MGAT5: variants seen among roughly 807,000 people sequenced by gnomAD.
The protein encoded by MGAT5 is alpha-1,6-mannosylglycoprotein 6-beta-N-acetylglucosaminyltransferase A.
MGAT5 carries 30 observed loss-of-function variants against 94.3 expected under a neutral mutation model. The ratio of observed to expected loss-of-function variants is 0.32; its 90% CI spans 0.24 to 0.43. MGAT5 has a LOEUF of 0.43. Among genes scored for constraint, MGAT5 ranks in the 20% least tolerant of loss-of-function variants. MGAT5 has a pLI of 1.00. For synonymous variants in MGAT5, 310 were observed against 322.9 expected (o/e 0.96, Z 0.43); for missense variants, 691 against 905.5 (o/e 0.76, Z 3.04).
chr2:134,135,086 T>C (rs943128417), intron 1 of MGAT5, among the ~76,000 whole-genome samples: 1 of 152,222 alleles, frequency 6.6e-6, no homozygotes, highest in African/African-American at 2.4e-5. Context: ...CTCCATTATG[T>C]CTTTTAGAGT....
At chr2:134,421,474 A>G (rs1413762220) in intron 12 of MGAT5, among the ~76,000 whole-genome samples, 1 of 152,006 alleles carries the variant, frequency 6.6e-6, no homozygotes, top group East Asian at 1.9e-4. Context: ...AGTTCCAGCT[A>G]CTCAGGAGGC....
Position 134,254,545 on chromosome 2 carries a change from G to T in MGAT5, c.142G>T (p.Glu48Ter). 6.2e-7 allele frequency: 1 copy of T among 1,614,198 alleles called. No homozygotes were observed. The highest frequency in any genetic ancestry group is 1.1e-5 in the South Asian group (1 of 91,080). The change falls in exon 1 of 16, where the codon GAG (glutamate) becomes TAG (stop). Residue 48 changes from glutamate (E) to a stop codon, truncating the protein, a stop_gained. Transcript: ENST00000281923. LOFTEE classifies it high-confidence loss of function. ...GCCTGAAAGCAGCTCCATGCTGCGC[G>T]AGCAGATCCTGGACCTCAGCAAAAG... The part of the protein sequence containing the change: ...TQPESSSMLR[E>*]QILDLSKRYI...
At chr2:134,323,525 A>G (rs1019060790) in intron 4 of MGAT5, among the ~76,000 whole-genome samples, 1 of 152,116 alleles carries the variant, frequency 6.6e-6, no homozygotes, top group Admixed American at 6.6e-5. Flanking sequence ...CAAGTCATAG[A>G]TAGCTCAGAG....
intron 11 of MGAT5, among the ~76,000 whole-genome samples, chr2:134,412,609 A>G (rs1203105758): frequency 6.6e-6 from 1 of 151,834 alleles, no homozygotes; most frequent in Non-Finnish European, 1.5e-5. Flanking sequence ...ACCCCTAGAC[A>G]CTTAATTTTT....
intron 1 of MGAT5, among the ~76,000 whole-genome samples, chr2:134,178,253 A>G (rs1688571631): frequency 6.6e-6 from 1 of 152,222 alleles, no homozygotes; most frequent in South Asian, 2.1e-4. Context: ...TAGACTAGGC[A>G]TTTCTAACAG....
At chr2:134,352,324 A>G (rs1679436782) in intron 9 of MGAT5, among the ~76,000 whole-genome samples, 1 of 152,214 alleles carries the variant, frequency 6.6e-6, no homozygotes, top group African/African-American at 2.4e-5. Flanking sequence ...TAGGGGACTG[A>G]GTGAATAATA....
At chr2:134,374,603 C>A (rs1183842811) in intron 10 of MGAT5, among the ~76,000 whole-genome samples, 2 of 152,186 alleles carry the variant, frequency 1.3e-5, no homozygotes, top group Admixed American at 1.3e-4. Context: ...ATACACAATT[C>A]TTTACTTAAA....
chr2:134,349,660 A>G (rs1364621631), intron 8 of MGAT5, 145 bp from the exon 9 acceptor site: 23 of 867,586 alleles, frequency 2.7e-5, no homozygotes, highest in East Asian at 1.0e-4. Context: ...AAGCTATTGT[A>G]AAACATCACA....
At chr2:134,228,895 C>T (rs1016210286) in intron 1 of MGAT5, among the ~76,000 whole-genome samples, 1 of 152,122 alleles carries the variant, frequency 6.6e-6, no homozygotes, top group African/African-American at 2.4e-5. Context: ...GTCTCAGTCC[C>T]CCACCTGGTT....
At position 134,345,014 on chromosome 2, in the gene MGAT5, A is replaced by G. The variant is rs1414225549; in HGVS notation, c.1062A>G (p.Val354=). ...TTGAGCTCATTTACATTGATATTGT[A>G]GGACTTGCTCAATTCAAGAAAACTC... ...RIVELIYIDI[V]GLAQFKKTLG... Residue 354 remains valine, a synonymous_variant, in exon 8 of 16, where the codon GTA becomes GTG. Transcript: ENST00000281923. The G allele has an allele frequency of 1.2e-6, 2 of 1,613,498 alleles. No homozygotes were observed. The highest frequency in any genetic ancestry group is 2.7e-5 in the African/African-American group (2 of 74,886).
At chr2:134,146,957 G>T (rs1686949220) in intron 1 of MGAT5, among the ~76,000 whole-genome samples, 1 of 152,168 alleles carries the variant, frequency 6.6e-6, no homozygotes, top group Admixed American at 6.5e-5. Flanking sequence ...TTAGTCTGTT[G>T]CTAGTATAAG....
At chr2:134,380,153 T>C (rs1302854620) in intron 10 of MGAT5, among the ~76,000 whole-genome samples, 6 of 152,176 alleles carry the variant, frequency 3.9e-5, no homozygotes, top group Non-Finnish European at 5.9e-5. Flanking sequence ...TAGAGATTTT[T>C]AGCACTAAGG....
intron 4 of MGAT5, among the ~76,000 whole-genome samples, chr2:134,325,073 G>GTT (rs1452037162): frequency 6.6e-6 from 1 of 151,348 alleles, no homozygotes; most frequent in African/African-American, 2.4e-5. Flanking sequence ...TGATCTGTTA[G>GTT]TTTCTCCCTT....
chr2:134,224,099 C>G (rs1680931130), intron 1 of MGAT5, among the ~76,000 whole-genome samples: 1 of 151,928 alleles, frequency 6.6e-6, no homozygotes, highest in Non-Finnish European at 1.5e-5. Context: ...CATTTACAAA[C>G]TGAACATGGG....
intron 1 of MGAT5, among the ~76,000 whole-genome samples, chr2:134,266,436 G>T (rs1683721702): frequency 6.6e-6 from 1 of 152,120 alleles, no homozygotes; most frequent in African/African-American, 2.4e-5. Context: ...GGTCAGGCCG[G>T]TCTCTAACTC....
upstream of MGAT5, chr2:134,253,229 TC>T (rs1682726765): frequency 1.3e-5 from 2 of 152,200 alleles, no homozygotes; most frequent in Non-Finnish European, 2.9e-5. Context: ...GTATGTACAC[TC>T]TGAAGTACAG....
intron 1 of MGAT5, among the ~76,000 whole-genome samples, chr2:134,160,817 G>GA (rs1424741332): frequency 6.6e-6 from 1 of 152,230 alleles, no homozygotes; most frequent in Non-Finnish European, 1.5e-5. Flanking sequence ...GGTAGCCCCT[G>GA]AAAGGGGTTG....
At chr2:134,288,074 T>G (rs550088071) in intron 2 of MGAT5, among the ~76,000 whole-genome samples, 1 of 152,362 alleles carries the variant, frequency 6.6e-6, no homozygotes, top group Non-Finnish European at 1.5e-5. Context: ...GCTTACTGAA[T>G]TTTGAATTCT....
At chr2:134,315,513 C>T (rs1172479782) in intron 2 of MGAT5, among the ~76,000 whole-genome samples, 1 of 152,224 alleles carries the variant, frequency 6.6e-6, no homozygotes, top group African/African-American at 2.4e-5. Context: ...GAGAGCCCCA[C>T]CTCAAGTCTG....
Sources: allele counts gnomAD v4.1 joint callset (sites outside exome capture counted in the v4.1 genomes callset), GRCh38; gene constraint gnomAD v4.1.1; transcripts MANE v1.5; gene names NCBI Gene and HGNC (gene_info 2026-07-23, HGNC 2026-07-21).